Variants in BAIAP2 observed in about 807,000 individuals in gnomAD.
BAIAP2 encodes the protein BAR/IMD domain-containing adapter protein 2.
Under a neutral mutation model 63.0 loss-of-function variants are expected in BAIAP2, and 18 were observed. The ratio of observed to expected loss-of-function variants is 0.29; its 90% CI spans 0.20 to 0.42. The LOEUF (loss-of-function observed/expected upper bound fraction) is 0.42, where lower values mean the gene tolerates loss of function less well. BAIAP2 is among the 10% of genes least tolerant of loss of function. The pLI is 1.00. For missense variants in BAIAP2, 610 were observed against 734.3 expected (o/e 0.83, Z 1.96); for synonymous variants, 386 against 307.6 (o/e 1.25, Z -2.67).
chr17:81,081,975 G>A (rs1407827050), intron 3 of BAIAP2, among the ~76,000 whole-genome samples: 1 of 152,184 alleles, frequency 6.6e-6, no homozygotes, highest in African/African-American at 2.4e-5. Context: ...ATCCGTGGAG[G>A]TACTGGGTGT....
chr17:81,094,427 G>A (rs530891986), intron 6 of BAIAP2, among the ~76,000 whole-genome samples: 30 of 152,258 alleles, frequency 2.0e-4, no homozygotes, highest in African/African-American at 5.5e-4. Flanking sequence ...AATGGGGACC[G>A]TCAGGGCTCA....
At chr17:81,039,804 A>G (rs1182636363) in intron 1 of BAIAP2, among the ~76,000 whole-genome samples, 1 of 152,146 alleles carries the variant, frequency 6.6e-6, no homozygotes, top group Non-Finnish European at 1.5e-5. Context: ...ACTGTCCAGG[A>G]TAGGTGGTCT....
chr17:81,066,858 G>A (rs1172258626), intron 3 of BAIAP2, among the ~76,000 whole-genome samples: 1 of 152,240 alleles, frequency 6.6e-6, no homozygotes, highest in Admixed American at 6.5e-5. Context: ...GGTGGAGGCC[G>A]CAGCCTCCCT....
intron 1 of BAIAP2, among the ~76,000 whole-genome samples, chr17:81,038,216 T>C (rs1175443964): frequency 6.6e-6 from 1 of 152,264 alleles, no homozygotes; most frequent in Non-Finnish European, 1.5e-5. Context: ...GAATTAAGGC[T>C]ACTGAAGCTG....
rs780693390 is a variant in BAIAP2, at chr17:81,106,859, C to G, written c.1452C>G (p.Ser484Arg). 1.9e-6 allele frequency: 3 copies of G among 1,605,310 alleles called. No homozygotes were observed. The highest frequency in any genetic ancestry group is 2.6e-6 in the Non-Finnish European group (3 of 1,176,308). The part of the protein sequence containing the change: ...ASRAFPAQTA[S>R]GFKQRPYSVA... ...GGGCCTTCCCCGCCCAGACGGCCAG[C>G]GGCTTCAAGCAGAGGCCCTACAGTG... The change falls in exon 12 of 14, where the codon AGC becomes AGG. Residue 484 changes from serine (S) to arginine (R), a missense_variant. By Grantham distance (110) the Ser-to-Arg change is moderately radical (BLOSUM62 -1). Coordinates refer to ENST00000428708, the MANE Select transcript of BAIAP2 (RefSeq NM_001144888.2).
chr17:81,098,210 A>C, intron 6 of BAIAP2: 1 of 1,394,636 alleles, frequency 7.2e-7, no homozygotes, highest in Non-Finnish European at 9.4e-7. Flanking sequence ...GTCATACAAC[A>C]AGCCCTGCAC....
At chr17:81,044,145 G>A (rs1192235086) in intron 1 of BAIAP2, among the ~76,000 whole-genome samples, 1 of 152,232 alleles carries the variant, frequency 6.6e-6, no homozygotes, top group East Asian at 1.9e-4. Context: ...GTTGGCGGGA[G>A]GTGGGGCCGT....
chr17:81,076,906 G>A (rs1026401762), intron 3 of BAIAP2, among the ~76,000 whole-genome samples: 32 of 152,186 alleles, frequency 2.1e-4, no homozygotes, highest in African/African-American at 7.5e-4. Context: ...AGGAGTTGGA[G>A]GCAGCAGTGA....
At chr17:81,067,196 T>C (rs1018244786) in intron 3 of BAIAP2, among the ~76,000 whole-genome samples, 4 of 152,158 alleles carry the variant, frequency 2.6e-5, no homozygotes, top group Admixed American at 1.3e-4. Context: ...CTCCCTACAG[T>C]AGGACTCCGG....
chr17:81,101,561 T>C (rs954261387), intron 7 of BAIAP2, among the ~76,000 whole-genome samples: 6 of 152,164 alleles, frequency 3.9e-5, no homozygotes, highest in African/African-American at 9.7e-5. Context: ...AATAAAGGGT[T>C]GCAGGGATCC....
At chr17:81,055,824 C>T (rs1467342534) in intron 2 of BAIAP2, among the ~76,000 whole-genome samples, 1 of 152,048 alleles carries the variant, frequency 6.6e-6, no homozygotes, top group Admixed American at 6.6e-5. Context: ...CTCAGCCTCC[C>T]AAAGTGCCTA....
At chr17:81,064,034 C>T (rs921858294) in intron 3 of BAIAP2, among the ~76,000 whole-genome samples, 1 of 152,250 alleles carries the variant, frequency 6.6e-6, no homozygotes, top group East Asian at 1.9e-4. Flanking sequence ...GGGCCCCAGC[C>T]TGTCCTCTCT....
intron 13 of BAIAP2, 112 bp from the exon 14 acceptor site, chr17:81,115,658 C>A: frequency 7.9e-7 from 1 of 1,270,702 alleles, no homozygotes; most frequent in South Asian, 1.3e-5. Context: ...GCCCTGAGAT[C>A]GGACCGTAGG....
chr17:81,049,201 C>T (rs1292542862), intron 1 of BAIAP2, among the ~76,000 whole-genome samples: 2 of 152,220 alleles, frequency 1.3e-5, no homozygotes, highest in Non-Finnish European at 2.9e-5. Context: ...GGTGGTTGCT[C>T]ATGGTGTAGG....
At chr17:81,054,771 C>G (rs1190349561) in intron 2 of BAIAP2, among the ~76,000 whole-genome samples, 1 of 152,190 alleles carries the variant, frequency 6.6e-6, no homozygotes, top group African/African-American at 2.4e-5. Flanking sequence ...TCCCATCGCC[C>G]CCACCCCACC....
intron 3 of BAIAP2, among the ~76,000 whole-genome samples, chr17:81,084,555 GGCT>G (rs2055230036): frequency 1.3e-5 from 2 of 152,304 alleles, no homozygotes; most frequent in South Asian, 4.1e-4. Flanking sequence ...AGCACACACG[GGCT>G]CTTCCTGTCT....
intron 3 of BAIAP2, among the ~76,000 whole-genome samples, chr17:81,078,727 G>A (rs1052576572): frequency 1.3e-5 from 2 of 151,994 alleles, no homozygotes; most frequent in Admixed American, 1.3e-4. Flanking sequence ...TCGGGTGGGA[G>A]CTGGGCGTCT....
intron 6 of BAIAP2, chr17:81,098,300 T>G (rs982179285): frequency 3.8e-6 from 3 of 790,250 alleles, no homozygotes; most frequent in Non-Finnish European, 3.4e-6. Flanking sequence ...GCCCTCAGCT[T>G]CTTCGCCACT....
chr17:81,048,450 G>A (rs1046115193), intron 1 of BAIAP2, among the ~76,000 whole-genome samples: 1 of 151,934 alleles, frequency 6.6e-6, no homozygotes, highest in Non-Finnish European at 1.5e-5. Context: ...AAGTCCTTTG[G>A]CAGAGGTCCT....
Sources: allele counts gnomAD v4.1 joint callset (sites outside exome capture counted in the v4.1 genomes callset), GRCh38; gene constraint gnomAD v4.1.1; transcripts MANE v1.5; gene names NCBI Gene and HGNC (gene_info 2026-07-23, HGNC 2026-07-21).